The following MACROD2 variants were observed in gnomAD, a reference collection of about 807,000 sequenced individuals.
MACROD2 encodes ADP-ribose glycohydrolase MACROD2.
In MACROD2, 36 loss-of-function variants were observed where a neutral mutation model predicts 70.4. The observed-to-expected ratio is 0.51, with a 90% CI of 0.39 to 0.68. The LOEUF (loss-of-function observed/expected upper bound fraction) is 0.68, where lower values mean the gene tolerates loss of function less well. MACROD2 is among the 30% of genes least tolerant of loss of function. The pLI, the probability that MACROD2 is intolerant of heterozygous loss-of-function variation, is 0.00. For synonymous variants in MACROD2, 172 were observed against 178.8 expected, an observed-to-expected ratio of 0.96 and a Z score of 0.30; for missense variants, 496 against 538.4, an observed-to-expected ratio of 0.92 and a Z score of 0.78.
At position 15,723,485 on chromosome 20, in the gene MACROD2, A is replaced by G. The variant is rs541088695; in HGVS notation, c.646-139260A>G. 7.2e-5 allele frequency among the ~76,000 whole-genome samples: 11 copies of G among 152,304 alleles called. 1 individual carries two copies. Among genetic ancestry groups the G allele is most frequent in the Admixed American group, 6.5e-4 (10 of 15,300 alleles). Reference sequence around the variant, plus strand: ...CCCACTGACGATCGCTGATCTTTATACTGTCCCCATAGTTTTGCCTTTCTA... The same window carrying G: ...CCCACTGACGATCGCTGATCTTTATGCTGTCCCCATAGTTTTGCCTTTCTA... On this transcript the variant is annotated intron_variant, in intron 8 of 17. Coordinates refer to ENST00000684519, the MANE Select transcript of MACROD2 (RefSeq NM_001351661.2).
intron 6 of MACROD2, among the ~76,000 whole-genome samples, chr20:15,387,738 AT>A (rs11304564): frequency 0.47 from 60,032 of 128,900 alleles, 13,136 homozygotes; most frequent in East Asian, 0.63. Flanking sequence ...AAACTCAGGG[AT>A]TTTTTTTTTT....
rs544505439 is a variant in MACROD2 at position 14,525,009 on chromosome 20, T to A, written c.301+31501T>A. 5.3e-5 allele frequency among the ~76,000 whole-genome samples: 8 copies of A among 152,302 alleles called. No homozygotes were observed. In the East Asian group the frequency reaches 1.5e-3, roughly 29 times the overall value. On this transcript the variant is annotated intron_variant, in intron 4 of 17. Transcript: ENST00000684519. ...AAGAGCCCCCATTTTCTTATCTTTATGTTGAAAACGCAGGGTGATATGTGG... is the reference window on the plus strand; with the variant it reads ...AAGAGCCCCCATTTTCTTATCTTTAAGTTGAAAACGCAGGGTGATATGTGG...
At chr20:14,161,234 C>G (rs1459001504) in intron 3 of MACROD2, among the ~76,000 whole-genome samples, 1 of 146,704 alleles carries the variant, frequency 6.8e-6, no homozygotes, top group Admixed American at 7.0e-5. Flanking sequence ...TGTCACCAGA[C>G]TGGAGTGCAG....
intron 6 of MACROD2, among the ~76,000 whole-genome samples, chr20:15,391,894 G>A (rs748787023): frequency 6.6e-6 from 1 of 152,116 alleles, no homozygotes; most frequent in African/African-American, 2.4e-5. Context: ...GACAAACAAA[G>A]CAAAACAAAG....
At chr20:14,801,406 T>C (rs2072573789) in intron 5 of MACROD2, among the ~76,000 whole-genome samples, 1 of 152,158 alleles carries the variant, frequency 6.6e-6, no homozygotes, top group African/African-American at 2.4e-5. Flanking sequence ...TGTATATTCA[T>C]TTGTGCAGAC....
At chr20:14,119,182 T>C (rs1456596763) in intron 3 of MACROD2, among the ~76,000 whole-genome samples, 27 of 140,704 alleles carry the variant, frequency 1.9e-4, no homozygotes, top group Admixed American at 8.0e-4. Flanking sequence ...TTTTTTTTTT[T>C]TTGAGATGAA....
chr20:14,957,156 T>C (rs944342959), intron 5 of MACROD2, among the ~76,000 whole-genome samples: 3 of 152,178 alleles, frequency 2.0e-5, no homozygotes, highest in African/African-American at 4.8e-5. Flanking sequence ...TAATTTAGCT[T>C]TTTTAATGTA....
chr20:14,393,778 G>T (rs1320836776), intron 3 of MACROD2, among the ~76,000 whole-genome samples: 3 of 152,164 alleles, frequency 2.0e-5, no homozygotes, highest in Non-Finnish European at 4.4e-5. Flanking sequence ...TTCATGTGTT[G>T]AAGCCCTAAT....
At chr20:15,039,455 G>A (rs187902600) in intron 5 of MACROD2, among the ~76,000 whole-genome samples, 1 of 152,270 alleles carries the variant, frequency 6.6e-6, no homozygotes, top group East Asian at 1.9e-4. Context: ...AAAGGGAATG[G>A]GAGAAAGGAG....
chr20:14,196,752 T>C (rs2148743957), intron 3 of MACROD2, among the ~76,000 whole-genome samples: 1 of 152,360 alleles, frequency 6.6e-6, no homozygotes, highest in African/African-American at 2.4e-5. Context: ...CTTCATCTAT[T>C]TGGGTCTCCT....
chr20:15,395,875 C>T (rs1175109337), intron 6 of MACROD2, among the ~76,000 whole-genome samples: 4 of 152,186 alleles, frequency 2.6e-5, no homozygotes, highest in Non-Finnish European at 5.9e-5. Flanking sequence ...GTACTGTCCA[C>T]TCTGATATGC....
At chr20:15,804,400 A>G (rs1009165929) in intron 8 of MACROD2, among the ~76,000 whole-genome samples, 3 of 152,344 alleles carry the variant, frequency 2.0e-5, no homozygotes, top group Middle Eastern at 3.4e-3. Flanking sequence ...AGAAAAGTTC[A>G]TTTCAATCCT....
chr20:15,543,855 C>T (rs1490150787), intron 8 of MACROD2, among the ~76,000 whole-genome samples: 1 of 152,220 alleles, frequency 6.6e-6, no homozygotes, highest in Non-Finnish European at 1.5e-5. Flanking sequence ...TTCCCTGGGA[C>T]AAGCCAGCCT....
At chr20:14,885,394 T>C (rs1445025620) in intron 5 of MACROD2, among the ~76,000 whole-genome samples, 2 of 152,184 alleles carry the variant, frequency 1.3e-5, no homozygotes, top group Non-Finnish European at 2.9e-5. Flanking sequence ...TAATTGACCC[T>C]AGAATCTTCT....
rs147076605 is a variant in MACROD2 at position 15,235,801 on chromosome 20, A to G, written c.540+5740A>G. On this transcript the variant is annotated intron_variant, in intron 6 of 17. Coordinates refer to ENST00000684519, the MANE Select transcript of MACROD2 (RefSeq NM_001351661.2). ...TAAAAAGCTGACCCTTTCATTTGGTACCTCTGCTCCTCTGCCTAACTTGAT... is the reference window on the plus strand; with the variant it reads ...TAAAAAGCTGACCCTTTCATTTGGTGCCTCTGCTCCTCTGCCTAACTTGAT... 3.6e-3 allele frequency among the ~76,000 whole-genome samples: 546 copies of G among 152,240 alleles called. 8 individuals carry two copies. The highest frequency in any genetic ancestry group is 0.032 in the Admixed American group (486 of 15,298).
intron 5 of MACROD2, among the ~76,000 whole-genome samples, chr20:15,140,459 G>A (rs1469136100): frequency 6.6e-6 from 1 of 152,116 alleles, no homozygotes; most frequent in Admixed American, 6.6e-5. Context: ...AAAATTGTTG[G>A]CCAGTGGAGC....
intron 15 of MACROD2, among the ~76,000 whole-genome samples, chr20:16,009,465 G>T (rs1443114677): frequency 6.6e-6 from 1 of 152,108 alleles, no homozygotes; most frequent in African/African-American, 2.4e-5. Context: ...TGAGATCAAA[G>T]CATAAGAGGG....
At chr20:14,991,463 T>C (rs1234534917) in intron 5 of MACROD2, among the ~76,000 whole-genome samples, 2 of 152,160 alleles carry the variant, frequency 1.3e-5, no homozygotes, top group Non-Finnish European at 2.9e-5. Flanking sequence ...TCATCAGATT[T>C]TCTTGAATCA....
intron 2 of MACROD2, among the ~76,000 whole-genome samples, chr20:14,061,655 A>T (rs184025352): frequency 6.6e-6 from 1 of 152,232 alleles, no homozygotes; most frequent in East Asian, 1.9e-4. Context: ...CTGTGGATTG[A>T]TGACCTCAAA....
Sources: gnomAD v4.1 joint callset for allele counts (sites outside exome capture counted in the v4.1 genomes callset) on GRCh38, gnomAD v4.1.1 for gene constraint, MANE v1.5 for transcripts, NCBI Gene and HGNC (gene_info 2026-07-23, HGNC 2026-07-21) for gene names.